Variants in DSG1 observed in about 807,000 individuals in gnomAD.
DSG1 encodes desmoglein-1.
A neutral mutation model predicts 97.5 loss-of-function variants in DSG1; 39 were observed. That is an observed-to-expected ratio of 0.40 (90% CI 0.31 to 0.52). The LOEUF (loss-of-function observed/expected upper bound fraction) is 0.52, where lower values mean the gene tolerates loss of function less well. Ranked by LOEUF, DSG1 falls within the 20% of genes least tolerant of loss-of-function variation. DSG1 has a pLI of 0.53. For synonymous variants in DSG1, 475 were observed against 443.4 expected (o/e 1.07, Z -0.90); for missense variants, 1,311 against 1,295.4 (o/e 1.01, Z -0.18).
chr18:31,351,701 T>C (rs1381014675), intron 14 of DSG1, among the ~76,000 whole-genome samples: 5 of 150,694 alleles, frequency 3.3e-5, no homozygotes, highest in Non-Finnish European at 7.4e-5. Flanking sequence ...TCTTGTTGAA[T>C]TGATCCCTTT....
intron 14 of DSG1, among the ~76,000 whole-genome samples, chr18:31,346,588 C>T (rs899398697): frequency 1.3e-5 from 2 of 149,516 alleles, no homozygotes; most frequent in East Asian, 1.9e-4. Context: ...CTGTGCCCCT[C>T]CTGGAATGCT....
chr18:31,326,755 A>T (rs2071688173), intron 2 of DSG1, 119 bp from the exon 3 acceptor site: 1 of 1,387,416 alleles, frequency 7.2e-7, no homozygotes, highest in Non-Finnish European at 1.0e-6. Flanking sequence ...CAAAATTACC[A>T]ATTTTCCCAA....
chr18:31,332,800 T>A (rs1283518251), intron 6 of DSG1, among the ~76,000 whole-genome samples: 1 of 152,182 alleles, frequency 6.6e-6, no homozygotes, highest in African/African-American at 2.4e-5. Context: ...CTTTTATACA[T>A]GTTTGAAAAT....
At chr18:31,331,298 C>T (rs1040378635) in intron 5 of DSG1, among the ~76,000 whole-genome samples, 1 of 151,920 alleles carries the variant, frequency 6.6e-6, no homozygotes, top group African/African-American at 2.4e-5. Context: ...AATATCATCC[C>T]CATTTATAGA....
chr18:31,329,750 G>C (rs2071709047), intron 4 of DSG1, 142 bp from the exon 5 acceptor site: 3 of 1,017,068 alleles, frequency 2.9e-6, no homozygotes, highest in Non-Finnish European at 3.0e-6. Context: ...CTTTCCCTTA[G>C]TGACTGTAAG....
chr18:31,342,126 G>A (rs1205672499), intron 11 of DSG1, among the ~76,000 whole-genome samples: 2 of 151,936 alleles, frequency 1.3e-5, no homozygotes, highest in Non-Finnish European at 2.9e-5. Flanking sequence ...TAAAGATGGG[G>A]TTTCACCATA....
chr18:31,322,460 G>A (rs954243342), intron 1 of DSG1, among the ~76,000 whole-genome samples: 20 of 152,098 alleles, frequency 1.3e-4, no homozygotes, highest in African/African-American at 4.6e-4. Context: ...ATATTTTCAG[G>A]CCTTTAAAAG....
At chr18:31,336,085 T>C (rs1219027360) in intron 8 of DSG1, among the ~76,000 whole-genome samples, 1 of 152,086 alleles carries the variant, frequency 6.6e-6, no homozygotes, top group Non-Finnish European at 1.5e-5. Context: ...TTCTAAGTTT[T>C]TAATTTGTTT....
intron 8 of DSG1, among the ~76,000 whole-genome samples, chr18:31,335,881 A>G (rs2071748676): frequency 6.6e-6 from 1 of 151,182 alleles, no homozygotes; most frequent in South Asian, 2.1e-4. Flanking sequence ...TGATTTATTC[A>G]AAGAGTCACA....
At chr18:31,333,875 A>G in intron 7 of DSG1, 142 bp from the exon 8 acceptor site, 1 of 1,170,708 alleles carries the variant, frequency 8.5e-7, no homozygotes, top group Non-Finnish European at 1.3e-6. Context: ...GCAAGAATAA[A>G]TGGAGTTAAG....
chr18:31,326,899 G>A lies in DSG1; in HGVS notation c.110G>A (p.Gly37Asp). ...IQVRDYNTKN[G>D]TIKWHSIRRQ... ...GTAAGAGATTATAACACTAAAAATG[G>A]CACCATCAAATGGCATTCAATCCGA... Residue 37 changes from glycine (G) to aspartate (D), a missense_variant, in exon 3 of 15, where the codon GGC (glycine) becomes GAC (aspartate). Gly to Asp is a moderately conservative substitution (Grantham distance 94). This residue lies in a region of DSG1 where 259 missense variants were observed against 304.1 expected (regional missense o/e 0.85). Transcript: ENST00000257192. 6.2e-7 allele frequency: 1 copy of A among 1,613,468 alleles called. No individual in the cohort carries two copies. The highest frequency in any genetic ancestry group is 1.7e-4 in the Middle Eastern group (1 of 6,060).
rs147377474 is a variant in DSG1, at chr18:31,336,566, C to T, written c.1218C>T (p.Asp406=). 1.2e-6 allele frequency: 2 copies of T among 1,613,994 alleles called. No individual in the cohort carries two copies. Among genetic ancestry groups the T allele is most frequent in the Admixed American group, 3.3e-5 (2 of 60,010 alleles). ...TGGGATCAAATGATAAAGTGGGAGA[C>T]TTTGTAGCTACTGACCTGGACACAG... ...GNMGSNDKVG[D]FVATDLDTGR... Residue 406 remains aspartate, a synonymous_variant, in exon 9 of 15, where the codon GAC becomes GAT. Coordinates refer to ENST00000257192, the MANE Select transcript of DSG1 (RefSeq NM_001942.4).
At chr18:31,337,360 G>A (rs529317037) in intron 9 of DSG1, among the ~76,000 whole-genome samples, 2 of 152,128 alleles carry the variant, frequency 1.3e-5, no homozygotes, top group East Asian at 3.9e-4. Flanking sequence ...GGGTTCACGC[G>A]ATTCTCCTCC....
At chr18:31,320,689 T>A (rs2071647960) in intron 1 of DSG1, among the ~76,000 whole-genome samples, 1 of 152,228 alleles carries the variant, frequency 6.6e-6, no homozygotes, top group African/African-American at 2.4e-5. Flanking sequence ...TCATTCTTCT[T>A]TTTGTTTCCA....
chr18:31,358,723 T>G lies in DSG1; in HGVS notation c.*3377T>G, dbSNP rs1314658557. On this transcript the variant is annotated 3_prime_UTR_variant, in exon 15 of 15. Transcript: ENST00000257192. Reference sequence around the variant, plus strand: ...GACCCAAAGCAAACTTTTAAAAGTATTTGCCACATTTTCCCATGCCTATTT... The same window carrying G: ...GACCCAAAGCAAACTTTTAAAAGTAGTTGCCACATTTTCCCATGCCTATTT... 1.3e-5 allele frequency among the ~76,000 whole-genome samples: 2 copies of G among 152,112 alleles called. No homozygotes were observed. The highest frequency in any genetic ancestry group is 4.8e-5 in the African/African-American group (2 of 41,452).
intron 11 of DSG1, among the ~76,000 whole-genome samples, chr18:31,340,814 A>G (rs1379084492): frequency 2.0e-5 from 3 of 152,218 alleles, no homozygotes; most frequent in African/African-American, 7.2e-5. Context: ...GGTCTCAAAG[A>G]GATTTTATTT....
chr18:31,333,408 G>A lies in DSG1; in HGVS notation c.685-181G>A, dbSNP rs371517276. ...AAACGTGTTGCATCTTTTAAATAAT[G>A]CGTGATAAGTATTATTGGGAATAAT... is the stretch of plus-strand genomic sequence containing the variant. On this transcript the variant is annotated intron_variant, in intron 6 of 14. Transcript: ENST00000257192. Among the ~76,000 whole-genome samples the A allele has an allele frequency of 1.1e-4, 16 of 152,170 alleles. No individual in the cohort carries two copies. In the East Asian group the frequency reaches 1.7e-3, roughly 17 times the overall value.
intron 14 of DSG1, among the ~76,000 whole-genome samples, chr18:31,353,419 T>C (rs1356349632): frequency 2.7e-5 from 4 of 150,602 alleles, no homozygotes; most frequent in African/African-American, 9.7e-5. Context: ...ACTGCTGTCT[T>C]TTTGTTTGTC....
chr18:31,324,278 G>A (rs914362079), intron 1 of DSG1, among the ~76,000 whole-genome samples: 1 of 137,784 alleles, frequency 7.3e-6, no homozygotes, highest in Admixed American at 7.1e-5. Context: ...CACAGCGCCC[G>A]GCCCTCTCCT....
Sources: gnomAD v4.1 joint callset for allele counts (sites outside exome capture counted in the v4.1 genomes callset) on GRCh38, gnomAD v4.1.1 for gene constraint, gnomAD v4.1.1 regional missense constraint, MANE v1.5 for transcripts, NCBI Gene and HGNC (gene_info 2026-07-23, HGNC 2026-07-21) for gene names.